The following ROBO2 variants were observed in gnomAD, a reference collection of about 807,000 sequenced individuals.
ROBO2 encodes the protein roundabout guidance receptor 2.
A neutral mutation model predicts 160.8 loss-of-function variants in ROBO2; 53 were observed. That is an observed-to-expected ratio of 0.33 (90% confidence interval 0.26 to 0.41). The LOEUF is 0.41. Ranked by LOEUF, ROBO2 falls within the 10% of genes least tolerant of loss-of-function variation. The pLI is 1.00. For synonymous variants in ROBO2, 664 were observed against 611.7 expected (o/e 1.09, Z -1.26); for missense variants, 1,577 against 1,722.4 (o/e 0.92, Z 1.49).
chr3:77,617,652 T>G, exon 22 of ROBO2: 4 of 1,614,138 alleles, frequency 2.5e-6, no homozygotes, highest in Non-Finnish European at 3.4e-6. Flanking sequence ...TGCTATCTCC[T>G]TTGGACAGCA....
chr3:76,428,831 G>A (rs550881469), intron 2 of ROBO2, among the ~76,000 whole-genome samples: 1 of 152,200 alleles, frequency 6.6e-6, no homozygotes, highest in South Asian at 2.1e-4. Context: ...CTGGTTCCTC[G>A]ACCTTACTTA....
chr3:77,002,829 T>C (rs1559828874), intron 2 of ROBO2, among the ~76,000 whole-genome samples: 2 of 152,114 alleles, frequency 1.3e-5, no homozygotes, highest in South Asian at 2.1e-4. Context: ...TACAATAATA[T>C]TTACTTAGTC....
Position 76,675,932 on chromosome 3 carries a change from A to AT in ROBO2, c.110-422074dup, listed in dbSNP as rs531473647. On this transcript the variant is annotated intron_variant, in intron 2 of 26. Coordinates refer to the ROBO2 transcript ENST00000487694. ...ACATATAGCTTTAAAGTATACTAAG[A>AT]TTTTTTTTAGTTGTTTCAAAATTAA... Among the ~76,000 whole-genome samples the AT allele has an allele frequency of 2.4e-3, 370 of 152,086 alleles. 4 individuals carry two copies. Among genetic ancestry groups the AT allele is most frequent in the African/African-American group, 8.3e-3 (344 of 41,510 alleles).
chr3:77,570,509 T>C (rs1435308254), intron 13 of ROBO2, among the ~76,000 whole-genome samples: 1 of 152,056 alleles, frequency 6.6e-6, no homozygotes, highest in Non-Finnish European at 1.5e-5. Context: ...GTTTGTTGAA[T>C]GATCAAATCA....
At chr3:76,526,294 T>G (rs1396579580) in intron 2 of ROBO2, among the ~76,000 whole-genome samples, 2 of 151,930 alleles carry the variant, frequency 1.3e-5, no homozygotes, top group African/African-American at 2.4e-5. Context: ...ACCTTAAGAG[T>G]AGGTTTTGTT....
At chr3:77,542,439 A>G (rs1397635342) in intron 6 of ROBO2, among the ~76,000 whole-genome samples, 1 of 152,196 alleles carries the variant, frequency 6.6e-6, no homozygotes, top group Non-Finnish European at 1.5e-5. Flanking sequence ...TCAATGTGGC[A>G]TAAGTTCTGG....
intron 2 of ROBO2, among the ~76,000 whole-genome samples, chr3:76,026,069 A>G (rs1387513627): frequency 6.6e-6 from 1 of 151,932 alleles, no homozygotes; most frequent in Non-Finnish European, 1.5e-5. Flanking sequence ...ATTGATGACC[A>G]TGATTAATTT....
chr3:75,909,833 G>C (rs905319223), intron 1 of ROBO2, among the ~76,000 whole-genome samples: 7 of 152,198 alleles, frequency 4.6e-5, no homozygotes, highest in Middle Eastern at 3.2e-3. Flanking sequence ...TAAGAGAGAT[G>C]ACATTTTATC....
chr3:77,155,877 C>T (rs543556641), intron 2 of ROBO2, among the ~76,000 whole-genome samples: 130 of 152,014 alleles, frequency 8.6e-4, no homozygotes, highest in African/African-American at 3.0e-3. Flanking sequence ...CACTTCCTTG[C>T]TTTCTTTTTA....
intron 2 of ROBO2, among the ~76,000 whole-genome samples, chr3:76,526,041 G>A (rs1397555205): frequency 6.6e-6 from 1 of 151,530 alleles, no homozygotes; most frequent in Non-Finnish European, 1.5e-5. Context: ...TCAAATCGTT[G>A]ATTTAAAGAA....
intron 2 of ROBO2, among the ~76,000 whole-genome samples, chr3:76,086,246 C>T (rs892756072): frequency 2.6e-5 from 4 of 152,054 alleles, no homozygotes; most frequent in Non-Finnish European, 1.5e-5. Flanking sequence ...GAAAGCGAAG[C>T]GGAGGAAAAG....
intron 2 of ROBO2, among the ~76,000 whole-genome samples, chr3:76,719,674 A>G (rs536459298): frequency 7.0e-4 from 106 of 152,302 alleles, no homozygotes; most frequent in African/African-American, 2.3e-3. Flanking sequence ...GCCTGAGGTC[A>G]GGAGTTTGAG....
intron 2 of ROBO2, among the ~76,000 whole-genome samples, chr3:76,863,445 AAGAAAAAAG>A (rs1559618836): frequency 9.1e-6 from 1 of 109,544 alleles, no homozygotes. Flanking sequence ...CTCAAAAAAA[AAGAAAAAAG>A]AAAAGAAAAG....
At chr3:77,542,118 A>G (rs1339121887) in intron 6 of ROBO2, among the ~76,000 whole-genome samples, 4 of 152,232 alleles carry the variant, frequency 2.6e-5, no homozygotes, top group African/African-American at 9.6e-5. Flanking sequence ...CCTGGCAGAG[A>G]CACTGAAACT....
At chr3:76,677,904 A>T (rs911142263) in intron 2 of ROBO2, among the ~76,000 whole-genome samples, 2 of 147,088 alleles carry the variant, frequency 1.4e-5, no homozygotes, top group Admixed American at 6.9e-5. Context: ...TATGTTCATG[A>T]CTTTTATGAC....
intron 2 of ROBO2, among the ~76,000 whole-genome samples, chr3:77,007,452 G>A (rs924023610): frequency 2.0e-5 from 3 of 151,610 alleles, no homozygotes; most frequent in African/African-American, 7.3e-5. Context: ...CTGCCACCCG[G>A]GTCTATATAT....
chr3:77,108,773 T>A (rs530307363), intron 2 of ROBO2, among the ~76,000 whole-genome samples: 161 of 152,240 alleles, frequency 1.1e-3, no homozygotes, highest in Non-Finnish European at 2.1e-3. Context: ...TTGGCCAGAT[T>A]TCGAGCACAA....
At chr3:76,965,785 G>GTGTATATATATATA (rs1424338840) in intron 2 of ROBO2, among the ~76,000 whole-genome samples, 1,871 of 129,010 alleles carry the variant, frequency 0.015, 65 homozygotes, top group African/African-American at 0.055. Context: ...TTGTGTTTGT[G>GTGTATATATATATA]TATATATATA....
intron 2 of ROBO2, among the ~76,000 whole-genome samples, chr3:76,347,851 C>T (rs2074621518): frequency 6.6e-6 from 1 of 152,062 alleles, no homozygotes; most frequent in Non-Finnish European, 1.5e-5. Context: ...AAACATCATA[C>T]TATATATTAA....
Sources: gnomAD v4.1 joint callset for allele counts (sites outside exome capture counted in the v4.1 genomes callset) on GRCh38, gnomAD v4.1.1 for gene constraint, MANE v1.5 for transcripts, NCBI Gene and HGNC (gene_info 2026-07-23, HGNC 2026-07-21) for gene names.